Variants in BARX2 observed in about 807,000 individuals in gnomAD.
BARX2 encodes the protein homeobox protein BarH-like 2.
BARX2 carries 11 observed loss-of-function variants against 25.5 expected under a neutral mutation model. The ratio of observed to expected loss-of-function variants is 0.43; its 90% CI spans 0.27 to 0.71. The LOEUF (loss-of-function observed/expected upper bound fraction) is 0.71, where lower values mean the gene tolerates loss of function less well. Among genes scored for constraint, BARX2 ranks in the 30% least tolerant of loss-of-function variants. The pLI, the probability that BARX2 is intolerant of heterozygous loss-of-function variation, is 0.19. For missense variants in BARX2, 360 were observed against 359.9 expected (o/e 1.00, Z 0.00); for synonymous variants, 137 against 149.5 (o/e 0.92, Z 0.61).
Position 129,438,308 on chromosome 11 carries a change from C to T in BARX2, c.488+1257C>T, listed in dbSNP as rs1457067012. On this transcript the variant is annotated intron_variant, in intron 2 of 3. Transcript: ENST00000281437. ...CTACACTCCAGCCTGGGCAACAGAG[C>T]GAGACTCAGTCTCAAAAAAAAAAAA... The T allele has an allele frequency of 7.0e-5, 9 of 129,294 alleles. No individual in the cohort carries two copies. In the East Asian group the frequency reaches 1.3e-3, roughly 19 times the overall value. 8.0% of individuals were successfully genotyped at this position (129,294 alleles called of 1,614,324 possible). A position where few individuals can be genotyped will look rare whatever the true frequency, so the allele number is the denominator to read the frequency against.
chr11:129,420,207 G>T lies in BARX2; in HGVS notation c.188-16544G>T, dbSNP rs531599414. ...CCTAAACATGTATTAGCCAAATTTGGGGAAATTTTCCAAGCAGAAGCTTTT... is the reference window on the plus strand; with the variant it reads ...CCTAAACATGTATTAGCCAAATTTGTGGAAATTTTCCAAGCAGAAGCTTTT... On this transcript the variant is annotated intron_variant, in intron 1 of 3. Coordinates refer to ENST00000281437, the MANE Select transcript of BARX2 (RefSeq NM_003658.5). 2.0e-5 allele frequency among the ~76,000 whole-genome samples: 3 copies of T among 152,116 alleles called. No homozygotes were observed. In the South Asian group the frequency reaches 6.2e-4, roughly 32 times the overall value.
At chr11:129,383,833 C>T (rs187082998) in intron 1 of BARX2, among the ~76,000 whole-genome samples, 2 of 152,220 alleles carry the variant, frequency 1.3e-5, no homozygotes, top group Admixed American at 1.3e-4. Context: ...ACATATTCTT[C>T]TGGGTATTGA....
intron 1 of BARX2, among the ~76,000 whole-genome samples, chr11:129,391,062 G>A (rs988873778): frequency 2.6e-5 from 4 of 152,120 alleles, no homozygotes; most frequent in African/African-American, 9.7e-5. Flanking sequence ...GTATGTTGGG[G>A]AGCAGTGATT....
chr11:129,389,974 G>A (rs1011205489), intron 1 of BARX2, among the ~76,000 whole-genome samples: 2 of 152,142 alleles, frequency 1.3e-5, no homozygotes, highest in Non-Finnish European at 2.9e-5. Context: ...ATGATGGATG[G>A]CTGTCACGTG....
At chr11:129,403,747 A>T (rs1402269996) in intron 1 of BARX2, among the ~76,000 whole-genome samples, 1 of 152,138 alleles carries the variant, frequency 6.6e-6, no homozygotes, top group Non-Finnish European at 1.5e-5. Context: ...TAGAGACAGG[A>T]TCTCATTCTG....
chr11:129,412,087 A>G (rs1861894572), intron 1 of BARX2, among the ~76,000 whole-genome samples: 1 of 152,148 alleles, frequency 6.6e-6, no homozygotes, highest in Non-Finnish European at 1.5e-5. Context: ...CCTGGCTAAC[A>G]TGGTGAAACC....
chr11:129,441,164 G>A (rs745690255), intron 2 of BARX2, among the ~76,000 whole-genome samples: 9 of 152,110 alleles, frequency 5.9e-5, no homozygotes, highest in African/African-American at 1.9e-4. Context: ...TGTCCCACCC[G>A]GTTGTTTGCT....
intron 1 of BARX2, among the ~76,000 whole-genome samples, chr11:129,418,043 C>T (rs1293047967): frequency 6.6e-6 from 1 of 152,058 alleles, no homozygotes; most frequent in Admixed American, 6.6e-5. Context: ...TGATTTTTGA[C>T]CCTGTAATCC....
intron 1 of BARX2, among the ~76,000 whole-genome samples, chr11:129,423,609 G>A (rs748083244): frequency 6.6e-6 from 1 of 152,130 alleles, no homozygotes; most frequent in Non-Finnish European, 1.5e-5. Context: ...CACTTCCAGG[G>A]CCATAGTCAG....
chr11:129,427,178 A>G (rs538067935), intron 1 of BARX2, among the ~76,000 whole-genome samples: 1 of 152,330 alleles, frequency 6.6e-6, no homozygotes, highest in Non-Finnish European at 1.5e-5. Context: ...TGGGCACTTC[A>G]CATACATTAA....
chr11:129,408,002 C>T (rs1003814061), intron 1 of BARX2, among the ~76,000 whole-genome samples: 1 of 112,254 alleles, frequency 8.9e-6, no homozygotes, highest in Non-Finnish European at 1.6e-5. Context: ...GAGATTGAGA[C>T]AGAGCCAGAC....
At chr11:129,449,824 G>A (rs1349801513) in intron 3 of BARX2, among the ~76,000 whole-genome samples, 1 of 152,170 alleles carries the variant, frequency 6.6e-6, no homozygotes, top group Non-Finnish European at 1.5e-5. Flanking sequence ...TAAACATGCA[G>A]TGACCATAGT....
At chr11:129,412,759 G>T (rs116509844) in intron 1 of BARX2, among the ~76,000 whole-genome samples, 3 of 152,228 alleles carry the variant, frequency 2.0e-5, no homozygotes, top group African/African-American at 4.8e-5. Flanking sequence ...CTTCTGTCTC[G>T]GCCCTGTTGC....
chr11:129,447,171 T>C (rs972735080), intron 3 of BARX2, among the ~76,000 whole-genome samples: 11 of 152,158 alleles, frequency 7.2e-5, no homozygotes, highest in African/African-American at 2.7e-4. Flanking sequence ...CAGTTTCCTA[T>C]CTGAAAAGTA....
Position 129,414,066 on chromosome 11 carries a change from A to G in BARX2, c.188-22685A>G, listed in dbSNP as rs1174299194. Among the ~76,000 whole-genome samples, 3 of 132,498 alleles carry G rather than the reference A, an allele frequency of 2.3e-5. No homozygotes were observed. The East Asian group carries it at 6.0e-4, about 27-fold the overall frequency. 86.9% of individuals were successfully genotyped at this position (132,498 alleles called of 152,430 possible). A position where few individuals can be genotyped will look rare whatever the true frequency, so the allele number is the denominator to read the frequency against. ...GGGAGGCAGACGGAGACTCCATCTC[A>G]AAAAAAAAAAAGAGAGAGCGGACAG... On this transcript the variant is annotated intron_variant, in intron 1 of 3. Transcript: ENST00000281437.
intron 1 of BARX2, among the ~76,000 whole-genome samples, chr11:129,433,053 A>G (rs1395991104): frequency 1.3e-5 from 2 of 152,144 alleles, no homozygotes; most frequent in East Asian, 3.9e-4. Context: ...TGTGTCTCTA[A>G]CCCAACCTCT....
At chr11:129,412,491 C>G (rs1178923979) in intron 1 of BARX2, among the ~76,000 whole-genome samples, 4 of 152,192 alleles carry the variant, frequency 2.6e-5, no homozygotes, top group African/African-American at 9.7e-5. Flanking sequence ...CAGTGTACAG[C>G]AGCAACAGAG....
chr11:129,385,990 G>A (rs962067460), intron 1 of BARX2, among the ~76,000 whole-genome samples: 3 of 152,196 alleles, frequency 2.0e-5, no homozygotes, highest in African/African-American at 4.8e-5. Flanking sequence ...CTAAACATAT[G>A]TACAACTCAC....
At position 129,390,376 on chromosome 11, in the gene BARX2, T is replaced by C. The variant is rs1861655095; in HGVS notation, c.187+14154T>C. Among the ~76,000 whole-genome samples the C allele has an allele frequency of 6.6e-6, 1 of 151,974 alleles. No individual in the cohort carries two copies. Among genetic ancestry groups the C allele is most frequent in the Non-Finnish European group, 1.5e-5 (1 of 67,992 alleles). On this transcript the variant is annotated intron_variant, in intron 1 of 3. Coordinates refer to ENST00000281437, the MANE Select transcript of BARX2 (RefSeq NM_003658.5). This position sits in a 1 kb window ranked among gnomAD's most constrained non-coding sequence, Gnocchi z 4.3. Reference sequence around the variant, plus strand: ...CCCTAGGGTCCTCAGAACCATAGAGTCTGAGTTTTCTGAATTGTTGAAAAT... The same window carrying C: ...CCCTAGGGTCCTCAGAACCATAGAGCCTGAGTTTTCTGAATTGTTGAAAAT...
Sources: allele counts gnomAD v4.1 joint callset (sites outside exome capture counted in the v4.1 genomes callset), GRCh38; gene constraint gnomAD v4.1.1; non-coding constraint Gnocchi (gnomAD v3.1); transcripts MANE v1.5; gene names NCBI Gene and HGNC (gene_info 2026-07-23, HGNC 2026-07-21).